Variants in ZDHHC14 observed in about 807,000 individuals in gnomAD.
The protein encoded by ZDHHC14 is palmitoyltransferase ZDHHC14.
A neutral mutation model predicts 47.7 loss-of-function variants in ZDHHC14; 16 were observed. The ratio of observed to expected loss-of-function variants is 0.34; its 90% CI spans 0.23 to 0.51. The LOEUF (loss-of-function observed/expected upper bound fraction) is 0.51. ZDHHC14 is among the 20% of genes least tolerant of loss of function. The probability of loss-of-function intolerance (pLI) is 0.97; values close to 1 mark genes in which losing one functional copy is unlikely to be tolerated. For synonymous variants in ZDHHC14, 293 were observed against 278.9 expected, an observed-to-expected ratio of 1.05 and a Z score of -0.50; for missense variants, 515 against 662.5, an observed-to-expected ratio of 0.78 and a Z score of 2.44.
At chr6:157,439,270 A>G (rs1282763337) in intron 1 of ZDHHC14, among the ~76,000 whole-genome samples, 1 of 152,246 alleles carries the variant, frequency 6.6e-6, no homozygotes, top group Non-Finnish European at 1.5e-5. Flanking sequence ...CCCAACTGAC[A>G]AAGATCTAAT....
rs532031137 is a variant in ZDHHC14 at position 157,553,137 on chromosome 6, G to T, written c.406+10392G>T. ...AAGACTACTAAAAGGAAGCCTCAGG[G>T]CTGAGGGGGCTTCTGGCTAAACCAA... On this transcript the variant is annotated intron_variant, in intron 2 of 8. Coordinates refer to ENST00000359775, the MANE Select transcript of ZDHHC14 (RefSeq NM_024630.3). Among the ~76,000 whole-genome samples the T allele has an allele frequency of 1.2e-4, 18 of 152,296 alleles. No individual in the cohort carries two copies. In the South Asian group the frequency reaches 3.7e-3, roughly 32 times the overall value.
At chr6:157,414,524 AG>A (rs1777935568) in intron 1 of ZDHHC14, among the ~76,000 whole-genome samples, 1 of 152,190 alleles carries the variant, frequency 6.6e-6, no homozygotes, top group African/African-American at 2.4e-5. Flanking sequence ...CTGGTGTTGT[AG>A]TCTGAAGTTT....
intron 7 of ZDHHC14, among the ~76,000 whole-genome samples, chr6:157,650,277 A>C (rs1777763646): frequency 6.6e-6 from 1 of 152,086 alleles, no homozygotes; most frequent in Non-Finnish European, 1.5e-5. Context: ...GTTTTGAAAG[A>C]CAAAGGGGGC....
In ZDHHC14 at chr6:157,645,851, A is replaced by G. The variant is rs1282464855; in HGVS notation, c.855+12A>G. The G allele has an allele frequency of 6.2e-7, 1 of 1,610,622 alleles. No homozygotes were observed. Among genetic ancestry groups the G allele is most frequent in the Admixed American group, 1.7e-5 (1 of 59,970 alleles). ...CAACAAATGAGGACGTAAGTTCCTGACCACACGGGACACGGGCGTGTTCTT... is the reference window on the plus strand; with the variant it reads ...CAACAAATGAGGACGTAAGTTCCTGGCCACACGGGACACGGGCGTGTTCTT... On this transcript the variant is annotated intron_variant, in intron 6 of 8. Coordinates refer to ENST00000359775, the MANE Select transcript of ZDHHC14 (RefSeq NM_024630.3).
intron 1 of ZDHHC14, among the ~76,000 whole-genome samples, chr6:157,540,888 A>ATGTGTGTGTGTGTGTGTGTGTG (rs1171821046): frequency 7.8e-6 from 1 of 127,586 alleles, no homozygotes. Context: ...ATATGTATGT[A>ATGTGTGTGTGTGTGTGTGTGTG]TGTGTGTGTG....
At chr6:157,470,000 A>G (rs1261929244) in intron 1 of ZDHHC14, among the ~76,000 whole-genome samples, 1 of 152,216 alleles carries the variant, frequency 6.6e-6, no homozygotes, top group Non-Finnish European at 1.5e-5. Flanking sequence ...CGTTACCTCT[A>G]CAAAATGGAG....
intron 3 of ZDHHC14, among the ~76,000 whole-genome samples, chr6:157,604,833 C>T (rs1477208388): frequency 2.0e-5 from 3 of 152,174 alleles, no homozygotes; most frequent in Admixed American, 6.5e-5. Flanking sequence ...TGTGAGCCAC[C>T]ATGCCCAGCC....
chr6:157,542,577 G>A lies in ZDHHC14; in HGVS notation c.246-8G>A. ...CCCTTCTCTCCGGTCTGTCCAACCT[G>A]TCGGCAGCTGTCCGTACCTGGCGGT... On this transcript the variant is annotated splice_region_variant and splice_polypyrimidine_tract_variant and intron_variant, in intron 1 of 8. Coordinates refer to ENST00000359775, the MANE Select transcript of ZDHHC14 (RefSeq NM_024630.3). 6.2e-7 allele frequency: 1 copy of A among 1,613,836 alleles called. No homozygotes were observed. The highest frequency in any genetic ancestry group is 2.2e-5 in the East Asian group (1 of 44,870).
intron 1 of ZDHHC14, among the ~76,000 whole-genome samples, chr6:157,500,611 A>T (rs1780171671): frequency 6.6e-6 from 1 of 152,118 alleles, no homozygotes; most frequent in Non-Finnish European, 1.5e-5. Flanking sequence ...CAGTGGATGA[A>T]TGTGGGGTGT....
intron 3 of ZDHHC14, among the ~76,000 whole-genome samples, chr6:157,610,509 T>G (rs1000254595): frequency 6.6e-6 from 1 of 152,168 alleles, no homozygotes; most frequent in Non-Finnish European, 1.5e-5. Flanking sequence ...CTGCAGAGCC[T>G]CCTTTTATCT....
chr6:157,441,111 C>T (rs759314258), intron 1 of ZDHHC14, among the ~76,000 whole-genome samples: 5 of 152,010 alleles, frequency 3.3e-5, no homozygotes, highest in African/African-American at 4.8e-5. Flanking sequence ...GTTTTGTGTC[C>T]GTAAGTGAGC....
intron 1 of ZDHHC14, among the ~76,000 whole-genome samples, chr6:157,414,179 A>G (rs1777926818): frequency 1.3e-5 from 2 of 152,062 alleles, no homozygotes; most frequent in Admixed American, 1.3e-4. Context: ...TGATCCTCCC[A>G]CCTTGGCTTC....
intron 1 of ZDHHC14, among the ~76,000 whole-genome samples, chr6:157,481,023 T>C (rs1008201040): frequency 6.6e-6 from 1 of 152,210 alleles, no homozygotes; most frequent in South Asian, 2.1e-4. Context: ...AAACAGATTG[T>C]TGAAAAACCC....
chr6:157,628,626 G>T, intron 4 of ZDHHC14, 140 bp downstream of exon 4: 1 of 1,150,886 alleles, frequency 8.7e-7, no homozygotes. Context: ...CTCACTTCCA[G>T]CCTGCCTCGC....
chr6:157,594,667 G>A (rs1784049878), intron 3 of ZDHHC14, among the ~76,000 whole-genome samples: 1 of 152,154 alleles, frequency 6.6e-6, no homozygotes, highest in Non-Finnish European at 1.5e-5. Context: ...TTCCGTAGAT[G>A]CAGTGGCCAA....
chr6:157,599,678 C>T (rs1047540528), intron 3 of ZDHHC14, among the ~76,000 whole-genome samples: 2 of 152,156 alleles, frequency 1.3e-5, no homozygotes, highest in Admixed American at 1.3e-4. Flanking sequence ...ACAAAGCATC[C>T]ATCTCCAGAA....
intron 1 of ZDHHC14, among the ~76,000 whole-genome samples, chr6:157,428,677 A>G (rs139686253): frequency 0.01 from 1,319 of 128,532 alleles, 26 homozygotes; most frequent in African/African-American, 0.036. Context: ...GTCTCAGGCC[A>G]GATTGCTTAT....
At chr6:157,643,902 G>A (rs1325844083) in intron 5 of ZDHHC14, among the ~76,000 whole-genome samples, 1 of 151,558 alleles carries the variant, frequency 6.6e-6, no homozygotes, top group Non-Finnish European at 1.5e-5. Context: ...GTAAACTCTT[G>A]GTGACACATA....
intron 3 of ZDHHC14, among the ~76,000 whole-genome samples, chr6:157,597,676 G>C (rs1190172930): frequency 6.6e-6 from 1 of 152,230 alleles, no homozygotes; most frequent in Non-Finnish European, 1.5e-5. Flanking sequence ...GTCCTGTGTG[G>C]GCACTGGGAC....
Sources: allele counts gnomAD v4.1 joint callset (sites outside exome capture counted in the v4.1 genomes callset), GRCh38; gene constraint gnomAD v4.1.1; transcripts MANE v1.5; gene names NCBI Gene and HGNC (gene_info 2026-07-23, HGNC 2026-07-21).